Variants in ZNF519 observed in about 807,000 individuals in gnomAD.
ZNF519 encodes zinc finger protein 519, also known as similar to Zinc finger protein 85 (Zinc finger protein HPF4) (HTF1).
Under a neutral mutation model 7.4 loss-of-function variants are expected in ZNF519, and 7 were observed. That is an observed-to-expected ratio of 0.94 (90% CI 0.54 to 1.77). The LOEUF (loss-of-function observed/expected upper bound fraction) is 1.77, where lower values mean the gene tolerates loss of function less well. Among genes scored for constraint, ZNF519 ranks in the 40% most tolerant of loss-of-function variants. ZNF519 has a pLI of 0.00. For missense variants in ZNF519, 586 were observed against 623.1 expected (o/e 0.94, Z 0.63); for synonymous variants, 179 against 203.3 (o/e 0.88, Z 1.02).
At position 14,104,810 on chromosome 18, in the gene ZNF519, A is replaced by G; in HGVS notation, c.*107T>C. 8.0e-7 allele frequency: 1 copy of G among 1,244,080 alleles called. No individual in the cohort carries two copies. Among genetic ancestry groups the G allele is most frequent in the Non-Finnish European group, 1.1e-6 (1 of 935,164 alleles). The allele number at this position is 1,244,080 out of a possible 1,614,324, so 77.1% of individuals were successfully genotyped here. A position where few individuals can be genotyped will look rare whatever the true frequency, so the allele number is the denominator to read the frequency against. ...TTTAATCTTCATTTTGATGTTTCAA[A>G]AATCATTACACATATGGGATTTCTA... On this transcript the variant is annotated 3_prime_UTR_variant, in exon 3 of 3. Transcript: ENST00000590202.
At chr18:14,116,146 A>G (rs1409308545) in intron 2 of ZNF519, among the ~76,000 whole-genome samples, 1 of 152,202 alleles carries the variant, frequency 6.6e-6, no homozygotes, top group African/African-American at 2.4e-5. Flanking sequence ...AGCAGAAGCA[A>G]AATTGCCAAA....
intron 2 of ZNF519, chr18:14,089,854 AG>A (rs1416666929): frequency 2.6e-5 from 4 of 152,254 alleles, no homozygotes; most frequent in African/African-American, 9.6e-5. Context: ...TGACCAATTC[AG>A]GCTGCCAGTT....
At position 14,122,923 on chromosome 18, in the gene ZNF519, T is replaced by TC; in HGVS notation, c.130+1426dup. Reference sequence around the variant, plus strand: ...TAGGTATATCTCCTAATGTTATCCCTCCCCCCTCCCCCCACCCCACGACAG... The same window carrying TC: ...TAGGTATATCTCCTAATGTTATCCCTCCCCCCCTCCCCCCACCCCACGACAG... On this transcript the variant is annotated intron_variant, in intron 2 of 2. Transcript: ENST00000590202. Among the ~76,000 whole-genome samples the TC allele has an allele frequency of 6.8e-5, 7 of 103,284 alleles. 1 individual carries two copies. Among genetic ancestry groups the TC allele is most frequent in the Admixed American group, 6.8e-4 (6 of 8,888 alleles). The allele number at this position is 103,284 out of a possible 152,430, so 67.8% of individuals were successfully genotyped here.
rs561826888 is a variant in ZNF519, at chr18:14,100,226, A to T, written c.*4691T>A. 1 of 152,326 alleles carries T rather than the reference A, an allele frequency of 6.6e-6. No individual in the cohort carries two copies. Among genetic ancestry groups the T allele is most frequent in the East Asian group, 1.9e-4 (1 of 5,182 alleles). 9.4% of individuals were successfully genotyped at this position (152,326 alleles called of 1,614,324 possible). On this transcript the variant is annotated 3_prime_UTR_variant, in exon 3 of 3. Transcript: ENST00000590202. ...AGAAATTCATTGATGATGGGAATGT[A>T]AAATGATAGTCACTCTGGATAACAG...
chr18:14,077,130 CCAT>C (rs1232100023), exon 5 of ZNF519: 1 of 152,132 alleles, frequency 6.6e-6, no homozygotes, highest in African/African-American at 2.4e-5. Context: ...GATTTCATGG[CCAT>C]CAAAAGCAAT....
intron 2 of ZNF519, among the ~76,000 whole-genome samples, chr18:14,107,068 G>A (rs1187055126): frequency 3.9e-5 from 6 of 152,050 alleles, no homozygotes; most frequent in Non-Finnish European, 8.8e-5. Context: ...TGCTGAACTG[G>A]GCTTAGAGCC....
intron 2 of ZNF519, among the ~76,000 whole-genome samples, chr18:14,115,706 A>G (rs562179381): frequency 6.6e-6 from 1 of 152,336 alleles, no homozygotes; most frequent in Admixed American, 6.5e-5. Context: ...TCAAATATAC[A>G]AATAAATAAT....
At chr18:14,124,937 T>G (rs1213960488) in intron 1 of ZNF519, among the ~76,000 whole-genome samples, 1 of 152,222 alleles carries the variant, frequency 6.6e-6, no homozygotes, top group Non-Finnish European at 1.5e-5. Flanking sequence ...AAGACTGCAC[T>G]GAGAGGCACT....
At position 14,093,769 on chromosome 18, in the gene ZNF519, AT is replaced by A. The variant is rs142141668; in HGVS notation, c.131-8694del. ...AGCTTGACATCTGCCTTATCTGAAC[AT>A]GGCTTTAACAATTGTCTGACTGTGA... On this transcript the variant is annotated intron_variant and NMD_transcript_variant, in intron 2 of 4. Transcript: ENST00000587419. Among the ~76,000 whole-genome samples the A allele has an allele frequency of 9.7e-4, 148 of 152,340 alleles. 4 individuals carry two copies. In the East Asian group the frequency reaches 0.023, roughly 24 times the overall value.
At chr18:14,071,966 G>A (rs1167473463), downstream of ZNF519, 3 of 152,222 alleles carry the variant, frequency 2.0e-5, no homozygotes, top group African/African-American at 7.2e-5. Context: ...AAATGTTAAT[G>A]TGGTTTTGTT....
At chr18:14,124,288 A>T in intron 2 of ZNF519, 62 bp downstream of exon 2, 1 of 1,493,118 alleles carries the variant, frequency 6.7e-7, no homozygotes, top group Admixed American at 2.2e-5. Flanking sequence ...GAGACAGTCT[A>T]CAAAGAAAGA....
chr18:14,114,630 A>G (rs1456854063), intron 2 of ZNF519, among the ~76,000 whole-genome samples: 2 of 152,104 alleles, frequency 1.3e-5, no homozygotes, highest in African/African-American at 2.4e-5. Context: ...GGAGGGAGAG[A>G]GCAGAATTGT....
chr18:14,109,878 T>C (rs145942842), intron 2 of ZNF519, among the ~76,000 whole-genome samples: 205 of 151,992 alleles, frequency 1.3e-3, no homozygotes, highest in African/African-American at 4.6e-3. Context: ...GCCAAAGTAA[T>C]ACTAACCAAA....
chr18:14,097,341 A>G (rs2046140962), downstream of ZNF519, among the ~76,000 whole-genome samples: 1 of 152,190 alleles, frequency 6.6e-6, no homozygotes, highest in Middle Eastern at 3.2e-3. Flanking sequence ...TGGTTGCAGG[A>G]TGGAGTTTCA....
At chr18:14,117,786 C>A (rs953922212) in intron 2 of ZNF519, among the ~76,000 whole-genome samples, 3 of 151,942 alleles carry the variant, frequency 2.0e-5, no homozygotes, top group African/African-American at 7.3e-5. Flanking sequence ...GGTGGGGGTG[C>A]CACATGATTT....
At chr18:14,078,871 T>A (rs1028043709) in intron 3 of ZNF519, among the ~76,000 whole-genome samples, 1 of 152,194 alleles carries the variant, frequency 6.6e-6, no homozygotes, top group Non-Finnish European at 1.5e-5. Flanking sequence ...TCTATGTGAC[T>A]GAAACTTTTT....
chr18:14,095,381 A>G (rs370009426), downstream of ZNF519, among the ~76,000 whole-genome samples: 2 of 151,968 alleles, frequency 1.3e-5, no homozygotes, highest in African/African-American at 4.8e-5. Flanking sequence ...TCCCAAAGAG[A>G]CCTCTTTATC....
chr18:14,081,750 C>T (rs1443468421), intron 3 of ZNF519, among the ~76,000 whole-genome samples: 6 of 151,978 alleles, frequency 3.9e-5, no homozygotes, highest in African/African-American at 9.7e-5. Flanking sequence ...TGCTGTGAAC[C>T]TTAAACTTCT....
intron 3 of ZNF519, among the ~76,000 whole-genome samples, chr18:14,080,615 C>A (rs888071850): frequency 6.6e-6 from 1 of 152,060 alleles, no homozygotes; most frequent in South Asian, 2.1e-4. Flanking sequence ...CCACCGTGCC[C>A]GGCTGGCAAT....
Sources: allele counts gnomAD v4.1 joint callset (sites outside exome capture counted in the v4.1 genomes callset), GRCh38; gene constraint gnomAD v4.1.1; transcripts MANE v1.5; gene names NCBI Gene and HGNC (gene_info 2026-07-23, HGNC 2026-07-21).